Variants in SCML4 observed in about 807,000 individuals in gnomAD.
SCML4 encodes the protein Scm polycomb group protein like 4.
SCML4 carries 34 observed loss-of-function variants against 41.1 expected under a neutral mutation model. The ratio of observed to expected loss-of-function variants is 0.83; its 90% CI spans 0.63 to 1.10. SCML4 has a LOEUF of 1.10. SCML4 is among the 50% of genes least tolerant of loss of function. SCML4 has a pLI of 0.00. For missense variants in SCML4, 522 were observed against 534.1 expected (o/e 0.98, Z 0.22); for synonymous variants, 214 against 220.9 (o/e 0.97, Z 0.28).
intron 1 of SCML4, among the ~76,000 whole-genome samples, chr6:107,781,988 G>A (rs1781536869): frequency 6.6e-6 from 1 of 152,196 alleles, no homozygotes; most frequent in South Asian, 2.1e-4. Context: ...ACCTGTAAAA[G>A]CTATCACTAT....
intron 2 of SCML4, among the ~76,000 whole-genome samples, chr6:107,760,772 C>A (rs1779518146): frequency 6.6e-6 from 1 of 151,846 alleles, no homozygotes; most frequent in African/African-American, 2.4e-5. Flanking sequence ...CAATGAAGCC[C>A]CCCAAATATT....
Position 107,755,686 on chromosome 6 carries a change from T to C in SCML4, c.157-5873A>G, listed in dbSNP as rs117358298. On this transcript the variant is annotated intron_variant, in intron 2 of 7. Transcript: ENST00000369020. ...GTTTCTAAAAAAAAAAAAAAAGCTG[T>C]CTATTTTGTTTTTTAAATGGACAAA... The C allele has an allele frequency of 3.3e-3, 3,312 of 995,538 alleles. 38 individuals carry two copies. The East Asian group carries it at 0.051, about 15-fold the overall frequency. 61.7% of individuals were successfully genotyped at this position (995,538 alleles called of 1,614,324 possible). A position where few individuals can be genotyped will look rare whatever the true frequency, so the allele number is the denominator to read the frequency against.
intron 1 of SCML4, among the ~76,000 whole-genome samples, chr6:107,790,025 T>A (rs1583591870): frequency 6.6e-6 from 1 of 152,208 alleles, no homozygotes; most frequent in Non-Finnish European, 1.5e-5. Flanking sequence ...AGGCTCCAGA[T>A]CTTGTGAAAA....
chr6:107,825,970 A>G (rs1318142967), upstream of SCML4, among the ~76,000 whole-genome samples: 1 of 144,316 alleles, frequency 6.9e-6, no homozygotes, highest in African/African-American at 2.6e-5. Flanking sequence ...AATAAGATGG[A>G]TGGGCTAGGT....
chr6:107,842,538 T>C, the SCML4 span, among the ~76,000 whole-genome samples: 1 of 152,170 alleles, frequency 6.6e-6, no homozygotes, highest in Non-Finnish European at 1.5e-5. Context: ...GCTGGGATTA[T>C]AGGTGTGTAC....
chr6:107,796,211 C>T (rs1017497479), intron 1 of SCML4, among the ~76,000 whole-genome samples: 2 of 151,936 alleles, frequency 1.3e-5, no homozygotes, highest in Admixed American at 1.3e-4. Flanking sequence ...ATTGTTGGTT[C>T]GTAGGGTAGG....
intron 1 of SCML4, among the ~76,000 whole-genome samples, chr6:107,782,796 G>T (rs1180909741): frequency 6.8e-6 from 1 of 147,768 alleles, no homozygotes; most frequent in East Asian, 2.1e-4. Context: ...GTCTGAGTTT[G>T]CCTGATGGGA....
At chr6:107,830,453 T>G in the SCML4 span, among the ~76,000 whole-genome samples, 4 of 152,118 alleles carry the variant, frequency 2.6e-5, no homozygotes, top group Non-Finnish European at 5.9e-5. Context: ...TGAGGGCAGG[T>G]GACTGACAGC....
chr6:107,736,498 A>G (rs897252758), intron 5 of SCML4, among the ~76,000 whole-genome samples: 2 of 152,182 alleles, frequency 1.3e-5, no homozygotes, highest in East Asian at 3.8e-4. Flanking sequence ...CCCTGCTGCT[A>G]TCTTGCTGTG....
the SCML4 span, among the ~76,000 whole-genome samples, chr6:107,830,128 G>C: frequency 2.6e-5 from 4 of 152,122 alleles, no homozygotes; most frequent in African/African-American, 9.7e-5. Context: ...AAGTCAGCAG[G>C]GTCCTCTCAG....
chr6:107,790,309 A>C (rs1428808684), intron 1 of SCML4, among the ~76,000 whole-genome samples: 2 of 152,196 alleles, frequency 1.3e-5, no homozygotes, highest in Non-Finnish European at 2.9e-5. Context: ...CATACAGTGA[A>C]TCCTCCGCCA....
chr6:107,723,845 C>T (rs972831676), intron 5 of SCML4, among the ~76,000 whole-genome samples: 1 of 152,100 alleles, frequency 6.6e-6, no homozygotes, highest in African/African-American at 2.4e-5. Context: ...CAAAACCAGA[C>T]AGACACATCA....
At chr6:107,815,305 T>G (rs898576499) in intron 1 of SCML4, among the ~76,000 whole-genome samples, 4 of 152,332 alleles carry the variant, frequency 2.6e-5, no homozygotes, top group African/African-American at 9.6e-5. Flanking sequence ...TGGGTGTCCC[T>G]CAGTGGATGG....
the SCML4 span, among the ~76,000 whole-genome samples, chr6:107,845,428 G>T: frequency 2.6e-5 from 4 of 152,202 alleles, no homozygotes; most frequent in African/African-American, 9.7e-5. Context: ...TCTACTGTTA[G>T]CTTGTTTTCA....
chr6:107,751,213 A>G (rs1458698689), intron 2 of SCML4, among the ~76,000 whole-genome samples: 1 of 152,252 alleles, frequency 6.6e-6, no homozygotes, highest in African/African-American at 2.4e-5. Flanking sequence ...GATGATGAAA[A>G]TAAGGAGGGA....
At chr6:107,826,725 A>G (rs949282342), upstream of SCML4, among the ~76,000 whole-genome samples, 4 of 152,130 alleles carry the variant, frequency 2.6e-5, no homozygotes, top group Non-Finnish European at 4.4e-5. Context: ...ACCCATTGTC[A>G]TCTAACAGGT....
intron 6 of SCML4, among the ~76,000 whole-genome samples, chr6:107,714,463 AT>A (rs1753399597): frequency 6.6e-6 from 1 of 152,074 alleles, no homozygotes; most frequent in South Asian, 2.1e-4. Context: ...TCCCCATCTG[AT>A]TCTCCCACAG....
chr6:107,842,711 C>CTTTCAACCATTGAGAGAAGAATGT, the SCML4 span, among the ~76,000 whole-genome samples: 12 of 152,320 alleles, frequency 7.9e-5, no homozygotes, highest in South Asian at 2.5e-3. Flanking sequence ...TTGTGATTTT[C>CTTTCAACCATTGAGAGAAGAATGT]TGTCTACTCT....
intron 2 of SCML4, among the ~76,000 whole-genome samples, chr6:107,766,112 G>A (rs1190956620): frequency 6.6e-6 from 1 of 152,208 alleles, no homozygotes; most frequent in Non-Finnish European, 1.5e-5. Flanking sequence ...CCTCACACCT[G>A]TAATCCTAGC....
Sources: allele counts gnomAD v4.1 joint callset (sites outside exome capture counted in the v4.1 genomes callset), GRCh38; gene constraint gnomAD v4.1.1; transcripts MANE v1.5; gene names NCBI Gene and HGNC (gene_info 2026-07-23, HGNC 2026-07-21).